FSTL5: variants seen among roughly 807,000 people sequenced by gnomAD.
FSTL5 encodes follistatin like 5.
In FSTL5, 62 loss-of-function variants were observed where a neutral mutation model predicts 89.1. The ratio of observed to expected loss-of-function variants is 0.70; its 90% CI spans 0.57 to 0.86. FSTL5 has a LOEUF of 0.86. FSTL5 is among the 40% of genes least tolerant of loss of function. FSTL5 has a pLI of 0.00. For missense variants in FSTL5, 1,057 were observed against 1,001.6 expected (o/e 1.06, Z -0.75); for synonymous variants, 383 against 346.2 (o/e 1.11, Z -1.18).
At chr4:161,454,771 A>T (rs1418363003) in intron 15 of FSTL5, among the ~76,000 whole-genome samples, 1 of 152,208 alleles carries the variant, frequency 6.6e-6, no homozygotes, top group Non-Finnish European at 1.5e-5. Flanking sequence ...TAAAAATAAA[A>T]CTGTATTTTC....
At chr4:161,976,630 C>T (rs1735656141) in intron 3 of FSTL5, among the ~76,000 whole-genome samples, 2 of 151,944 alleles carry the variant, frequency 1.3e-5, no homozygotes, top group South Asian at 2.1e-4. Flanking sequence ...TACAGGCGCC[C>T]GCCACCACGC....
At chr4:161,563,667 A>G (rs2126574471) in intron 8 of FSTL5, among the ~76,000 whole-genome samples, 1 of 152,154 alleles carries the variant, frequency 6.6e-6, no homozygotes, top group Admixed American at 6.6e-5. Flanking sequence ...CGTAGCAGTC[A>G]ATGGATATTA....
chr4:161,628,027 C>A (rs1319017837), intron 7 of FSTL5, among the ~76,000 whole-genome samples: 1 of 152,084 alleles, frequency 6.6e-6, no homozygotes, highest in Non-Finnish European at 1.5e-5. Context: ...TTGGAACCAA[C>A]AAATCTAGCT....
At chr4:161,622,962 C>A (rs1431833063) in intron 7 of FSTL5, among the ~76,000 whole-genome samples, 2 of 151,944 alleles carry the variant, frequency 1.3e-5, no homozygotes, top group African/African-American at 2.4e-5. Context: ...TTATTTTTAT[C>A]CAGGAAGCCA....
At chr4:161,821,761 G>T (rs996719757) in intron 4 of FSTL5, among the ~76,000 whole-genome samples, 1 of 151,882 alleles carries the variant, frequency 6.6e-6, no homozygotes, top group African/African-American at 2.4e-5. Context: ...TTTTTTCATG[G>T]CTGCATGGTA....
chr4:161,395,836 T>C (rs1222349585), intron 15 of FSTL5, among the ~76,000 whole-genome samples: 1 of 152,160 alleles, frequency 6.6e-6, no homozygotes, highest in Non-Finnish European at 1.5e-5. Context: ...GGACTATTCA[T>C]AAAATCAGGA....
Position 162,111,279 on chromosome 4 carries a change from G to A in FSTL5, c.118C>T (p.Arg40Ter), listed in dbSNP as rs141917472. 14 of 1,605,534 alleles carry A rather than the reference G, an allele frequency of 8.7e-6. No homozygotes were observed. The highest frequency in any genetic ancestry group is 3.3e-5 in the Admixed American group (2 of 59,722). ...LKSYQPLMRLRHKQEKNQESS... is the reference protein window; with the variant it reads ...LKSYQPLMRL The stretch of plus-strand genomic sequence containing the variant: ...CAGAATATTGACTGTACCTTATGTC[G>A]CAATCTCATTAGAGGCTGATAGGAT... Residue 40 changes from arginine to a stop codon, truncating the protein, a stop_gained, in exon 2 of 16, where the codon CGA becomes TGA. Coordinates refer to ENST00000306100, the MANE Select transcript of FSTL5 (RefSeq NM_020116.5). LOFTEE classifies it high-confidence loss of function.
chr4:161,588,970 C>T (rs537056280), intron 7 of FSTL5, among the ~76,000 whole-genome samples: 31 of 150,900 alleles, frequency 2.1e-4, no homozygotes, highest in Non-Finnish European at 3.2e-4. Context: ...TTAAAGTTCA[C>T]TCTGTGTAAA....
At chr4:161,986,209 C>T (rs1735958944) in intron 3 of FSTL5, among the ~76,000 whole-genome samples, 1 of 151,934 alleles carries the variant, frequency 6.6e-6, no homozygotes, top group African/African-American at 2.4e-5. Flanking sequence ...AATTTCAGTA[C>T]TCACTGAAGA....
intron 7 of FSTL5, among the ~76,000 whole-genome samples, chr4:161,647,263 T>A (rs868166522): frequency 6.6e-6 from 1 of 152,196 alleles, no homozygotes. Flanking sequence ...GATGATACTT[T>A]CTCCACTGTG....
At chr4:161,577,169 G>C (rs1733245407) in intron 8 of FSTL5, among the ~76,000 whole-genome samples, 1 of 152,008 alleles carries the variant, frequency 6.6e-6, no homozygotes, top group Non-Finnish European at 1.5e-5. Context: ...GAACAAAATA[G>C]GTATTACTTA....
At chr4:162,029,204 C>G (rs1578962918) in intron 3 of FSTL5, among the ~76,000 whole-genome samples, 1 of 150,268 alleles carries the variant, frequency 6.7e-6, no homozygotes, top group African/African-American at 2.4e-5. Context: ...TGTGTGTAGA[C>G]TGCAGGCGCC....
At chr4:161,893,704 T>A (rs1238124868) in intron 4 of FSTL5, among the ~76,000 whole-genome samples, 1 of 152,200 alleles carries the variant, frequency 6.6e-6, no homozygotes, top group Non-Finnish European at 1.5e-5. Context: ...CCTAAATAGC[T>A]ATATAAGGTC....
chr4:161,435,568 TAA>T (rs1318380321), intron 15 of FSTL5, among the ~76,000 whole-genome samples: 1 of 149,856 alleles, frequency 6.7e-6, no homozygotes, highest in Non-Finnish European at 1.5e-5. Flanking sequence ...TAAAAATAAC[TAA>T]AAGAGTATAA....
chr4:161,847,873 T>C (rs1327744373), intron 4 of FSTL5, among the ~76,000 whole-genome samples: 2 of 151,332 alleles, frequency 1.3e-5, no homozygotes, highest in East Asian at 3.9e-4. Context: ...CTGTCTCTAC[T>C]AAAAATACAA....
At chr4:161,820,717 G>A (rs1730464244) in intron 4 of FSTL5, among the ~76,000 whole-genome samples, 1 of 152,114 alleles carries the variant, frequency 6.6e-6, no homozygotes, top group Non-Finnish European at 1.5e-5. Context: ...TTAAAGTCAT[G>A]TATTGAGAAC....
intron 3 of FSTL5, among the ~76,000 whole-genome samples, chr4:161,941,111 G>A (rs1374505136): frequency 6.6e-6 from 1 of 151,770 alleles, no homozygotes; most frequent in African/African-American, 2.4e-5. Context: ...AAATGTAAGA[G>A]TTTAATTTTT....
chr4:162,110,111 A>G (rs1366881976), intron 2 of FSTL5, among the ~76,000 whole-genome samples: 4 of 152,026 alleles, frequency 2.6e-5, no homozygotes, highest in African/African-American at 7.2e-5. Context: ...TTTTACAATG[A>G]TTTTGACATT....
chr4:162,002,433 A>C (rs944841349), intron 3 of FSTL5, among the ~76,000 whole-genome samples: 2 of 152,216 alleles, frequency 1.3e-5, no homozygotes, highest in Admixed American at 1.3e-4. Flanking sequence ...CTCTTAGGCT[A>C]TCCACAATAT....
Sources: gnomAD v4.1 joint callset for allele counts (sites outside exome capture counted in the v4.1 genomes callset) on GRCh38, gnomAD v4.1.1 for gene constraint, MANE v1.5 for transcripts, NCBI Gene and HGNC (gene_info 2026-07-23, HGNC 2026-07-21) for gene names.